The following MGLL variants were observed in gnomAD, a reference collection of about 807,000 sequenced individuals.
MGLL encodes monoglyceride lipase, also known as lysophospholipase homolog.
A neutral mutation model predicts 29.1 loss-of-function variants in MGLL; 7 were observed. That is an observed-to-expected ratio of 0.24 (90% CI 0.14 to 0.45). The LOEUF (loss-of-function observed/expected upper bound fraction) is 0.45. Ranked by LOEUF, MGLL falls within the 20% of genes least tolerant of loss-of-function variation. The probability of loss-of-function intolerance (pLI) is 0.99; values close to 1 mark genes in which losing one functional copy is unlikely to be tolerated. For missense variants in MGLL, 356 were observed against 413.6 expected (o/e 0.86, Z 1.21); for synonymous variants, 148 against 168.3 (o/e 0.88, Z 0.93).
chr3:127,708,241 G>A (rs2075641181), intron 6 of MGLL, among the ~76,000 whole-genome samples: 1 of 152,252 alleles, frequency 6.6e-6, no homozygotes, highest in African/African-American at 2.4e-5. Context: ...GAGACGCAGA[G>A]CTGCGGCAGG....
At chr3:127,732,043 C>T (rs773750902) in intron 3 of MGLL, among the ~76,000 whole-genome samples, 5 of 152,168 alleles carry the variant, frequency 3.3e-5, no homozygotes, top group Non-Finnish European at 5.9e-5. Flanking sequence ...ATGAGTCCCC[C>T]GGGAACCTAT....
chr3:127,771,692 GGAA>G (rs1268863495), intron 3 of MGLL, among the ~76,000 whole-genome samples: 2 of 152,318 alleles, frequency 1.3e-5, no homozygotes, highest in Admixed American at 6.5e-5. Flanking sequence ...ATCTGCCTTA[GGAA>G]GAAGACAAAT....
chr3:127,805,580 C>G (rs2107742732), intron 2 of MGLL, among the ~76,000 whole-genome samples: 1 of 152,334 alleles, frequency 6.6e-6, no homozygotes, highest in East Asian at 1.9e-4. Flanking sequence ...TGCCCACCCC[C>G]CACTAGGGTT....
intron 6 of MGLL, among the ~76,000 whole-genome samples, chr3:127,707,032 A>G (rs2075616709): frequency 6.6e-6 from 1 of 152,194 alleles, no homozygotes; most frequent in Non-Finnish European, 1.5e-5. Context: ...AGAGGAGACA[A>G]AAAAGGAAGC....
intron 3 of MGLL, among the ~76,000 whole-genome samples, chr3:127,740,472 A>G (rs1576531444): frequency 6.6e-6 from 1 of 151,354 alleles, no homozygotes; most frequent in African/African-American, 2.4e-5. Context: ...CTTCGCAAAA[A>G]CCCCTCTGAG....
At chr3:127,784,509 T>A (rs907292140) in intron 2 of MGLL, among the ~76,000 whole-genome samples, 1 of 152,122 alleles carries the variant, frequency 6.6e-6, no homozygotes, top group Non-Finnish European at 1.5e-5. Context: ...GACCACGAGT[T>A]CTAGCCATAG....
chr3:127,780,728 C>T (rs1030170933), intron 3 of MGLL, among the ~76,000 whole-genome samples: 4 of 152,250 alleles, frequency 2.6e-5, no homozygotes, highest in Non-Finnish European at 5.9e-5. Context: ...CCCGCATTTA[C>T]AAGGACTTCC....
rs190079977 is a variant in MGLL, at chr3:127,760,424, G to C, written c.262+21365C>G. On this transcript the variant is annotated intron_variant, in intron 3 of 7. Coordinates refer to ENST00000265052, the MANE Select transcript of MGLL (RefSeq NM_007283.7). ...ACAGGGCACGTGGGTGCTGAGGAATGAAGGTGAAAGGACCTTGTTCTCCCC... is the reference window on the plus strand; with the variant it reads ...ACAGGGCACGTGGGTGCTGAGGAATCAAGGTGAAAGGACCTTGTTCTCCCC... 5.9e-5 allele frequency among the ~76,000 whole-genome samples: 9 copies of C among 152,376 alleles called. No individual in the cohort carries two copies. In the East Asian group the frequency reaches 1.3e-3, roughly 23 times the overall value.
intron 3 of MGLL, among the ~76,000 whole-genome samples, chr3:127,762,386 C>G (rs1403851023): frequency 6.6e-6 from 1 of 152,230 alleles, no homozygotes. Flanking sequence ...AAGACAGACT[C>G]TGCCCATTCC....
chr3:127,719,392 C>T (rs1471061042), intron 5 of MGLL, among the ~76,000 whole-genome samples: 6 of 152,254 alleles, frequency 3.9e-5, no homozygotes, highest in Non-Finnish European at 2.9e-5. Flanking sequence ...GATTCAAACC[C>T]ATCACAAGGG....
intron 2 of MGLL, among the ~76,000 whole-genome samples, chr3:127,783,006 C>T (rs1472033868): frequency 1.3e-5 from 2 of 151,930 alleles, no homozygotes; most frequent in East Asian, 3.9e-4. Context: ...GAAACTCCGT[C>T]ACTATAAAAA....
chr3:127,803,992 A>G (rs1261660219), intron 2 of MGLL, among the ~76,000 whole-genome samples: 1 of 152,216 alleles, frequency 6.6e-6, no homozygotes, highest in Admixed American at 6.5e-5. Flanking sequence ...TCACCTATTT[A>G]CAGCCCCTGA....
chr3:127,818,604 A>G (rs768439435), intron 2 of MGLL, among the ~76,000 whole-genome samples: 12 of 152,182 alleles, frequency 7.9e-5, no homozygotes, highest in Admixed American at 1.3e-4. Context: ...CCCTAACCCA[A>G]AATGTAAGAA....
intron 3 of MGLL, among the ~76,000 whole-genome samples, chr3:127,775,001 A>G (rs761202414): frequency 6.6e-6 from 1 of 152,202 alleles, no homozygotes; most frequent in Non-Finnish European, 1.5e-5. Context: ...CAGAGAGGGC[A>G]CACAAACTCA....
At chr3:127,821,668 G>A in intron 2 of MGLL, 26 bp downstream of exon 2, 1 of 1,612,944 alleles carries the variant, frequency 6.2e-7, no homozygotes, top group Non-Finnish European at 8.5e-7. Flanking sequence ...CCTGTCACCT[G>A]GGGTGACTTT....
intron 3 of MGLL, among the ~76,000 whole-genome samples, chr3:127,732,794 C>T (rs2076174261): frequency 6.6e-6 from 1 of 152,212 alleles, no homozygotes; most frequent in South Asian, 2.1e-4. Context: ...CTGGAAGTAA[C>T]CACAACAAAT....
intron 3 of MGLL, among the ~76,000 whole-genome samples, chr3:127,757,759 C>A (rs1413904293): frequency 6.6e-6 from 1 of 152,164 alleles, no homozygotes; most frequent in Admixed American, 6.5e-5. Flanking sequence ...TTGACCCCAA[C>A]CTGGGTAGAT....
Position 127,742,063 on chromosome 3 carries a change from C to A in MGLL, c.263-19497G>T, listed in dbSNP as rs2076350269. ...CTATGGAATTCTCAAGATAAACTTA[C>A]CAAAATGGGATTTCTAGATCAAAAG... On this transcript the variant is annotated intron_variant, in intron 3 of 7. Transcript: ENST00000265052. Among the ~76,000 whole-genome samples the A allele has an allele frequency of 2.6e-5, 4 of 152,256 alleles. No individual in the cohort carries two copies. In the South Asian group the frequency reaches 8.3e-4, roughly 32 times the overall value.
At chr3:127,793,243 G>A (rs2077330688) in intron 2 of MGLL, among the ~76,000 whole-genome samples, 1 of 152,232 alleles carries the variant, frequency 6.6e-6, no homozygotes, top group Non-Finnish European at 1.5e-5. Context: ...GTCTCACTCT[G>A]TAACTTGCAT....
Sources: allele counts gnomAD v4.1 joint callset (sites outside exome capture counted in the v4.1 genomes callset), GRCh38; gene constraint gnomAD v4.1.1; transcripts MANE v1.5; gene names NCBI Gene and HGNC (gene_info 2026-07-23, HGNC 2026-07-21).